Variants in CHRM2 observed in about 807,000 individuals in gnomAD.
The protein encoded by CHRM2 is cholinergic receptor muscarinic 2, also known as muscarinic acetylcholine receptor M2.
In CHRM2, 8 loss-of-function variants were observed where a neutral mutation model predicts 25.0. That is an observed-to-expected ratio of 0.32 (90% CI 0.19 to 0.58). CHRM2 has a LOEUF of 0.58. Among genes scored for constraint, CHRM2 ranks in the 20% least tolerant of loss-of-function variants. The pLI is 0.88. For synonymous variants in CHRM2, 202 were observed against 205.7 expected (o/e 0.98, Z 0.15); for missense variants, 440 against 567.1 (o/e 0.78, Z 2.28).
At chr7:136,928,991 AT>A (rs1798901397) in intron 2 of CHRM2, among the ~76,000 whole-genome samples, 1 of 152,124 alleles carries the variant, frequency 6.6e-6, no homozygotes, top group East Asian at 1.9e-4. Context: ...GATGTTGGTT[AT>A]TGCTGTTGAT....
At chr7:136,889,762 C>CCAACTCTAT (rs1296645186) in intron 2 of CHRM2, among the ~76,000 whole-genome samples, 1 of 152,206 alleles carries the variant, frequency 6.6e-6, no homozygotes, top group African/African-American at 2.4e-5. Context: ...GATAGAACCT[C>CCAACTCTAT]CAACTCTATT....
chr7:136,944,207 G>C (rs927926044), intron 2 of CHRM2, among the ~76,000 whole-genome samples: 7 of 152,056 alleles, frequency 4.6e-5, no homozygotes, highest in Non-Finnish European at 8.8e-5. Context: ...AGTGTACACT[G>C]TACCCAATGT....
At position 136,869,322 on chromosome 7, in the gene CHRM2, C is replaced by G. The variant is rs1233858079; in HGVS notation, c.-221C>G. The G allele has an allele frequency of 1.3e-5, 2 of 152,320 alleles. No homozygotes were observed. The highest frequency in any genetic ancestry group is 2.1e-4 in the South Asian group (1 of 4,834). The allele number at this position is 152,320 out of a possible 1,614,324, so 9.4% of individuals were successfully genotyped here. On this transcript the variant is annotated 5_prime_UTR_variant, in exon 2 of 4. Transcript: ENST00000680005. This position sits in a 1 kb window ranked among gnomAD's most constrained non-coding sequence, Gnocchi z 4.9. The stretch of plus-strand genomic sequence containing the variant: ...CTCTAAGCGGTGCGCAGCTCCAGCC[C>G]GAGCGGATCGGCCCTGAACCCACAA...
intron 2 of CHRM2, among the ~76,000 whole-genome samples, chr7:136,966,325 T>C (rs1008045676): frequency 5.9e-5 from 9 of 151,976 alleles, no homozygotes; most frequent in African/African-American, 1.7e-4. Flanking sequence ...TTTAATAAAA[T>C]TGTCGTGATG....
chr7:136,989,732 A>C (rs751397659), intron 2 of CHRM2, among the ~76,000 whole-genome samples: 2 of 152,108 alleles, frequency 1.3e-5, no homozygotes, highest in Non-Finnish European at 2.9e-5. Flanking sequence ...CTTAGGTACT[A>C]ATCTTTCTGC....
At chr7:136,903,096 T>C (rs10488598) in intron 2 of CHRM2, 128,569 of 528,114 alleles carry the variant, frequency 0.24, 18,758 homozygotes, top group Non-Finnish European at 0.32. Flanking sequence ...CAGAAACTCA[T>C]TTGGGCTAGT....
intron 3 of CHRM2, among the ~76,000 whole-genome samples, chr7:137,009,817 G>C (rs1246874435): frequency 1.3e-5 from 2 of 151,980 alleles, no homozygotes; most frequent in Admixed American, 6.6e-5. Context: ...ATCATTACCA[G>C]TAGTAGTATT....
chr7:136,875,925 A>G (rs964530867), intron 2 of CHRM2, among the ~76,000 whole-genome samples: 9 of 152,240 alleles, frequency 5.9e-5, no homozygotes, highest in African/African-American at 2.2e-4. Context: ...GGAATTTATT[A>G]TTATTATAAT....
chr7:137,013,342 A>AC (rs11394148), intron 3 of CHRM2, among the ~76,000 whole-genome samples: 22,592 of 151,894 alleles, frequency 0.15, 2,006 homozygotes, highest in African/African-American at 0.23. Flanking sequence ...AAAGCAGAAA[A>AC]AATTATTTTT....
intron 2 of CHRM2, among the ~76,000 whole-genome samples, chr7:136,919,931 T>A (rs1798335173): frequency 2.0e-5 from 3 of 152,182 alleles, no homozygotes; most frequent in Admixed American, 2.0e-4. Flanking sequence ...TATCTCATGG[T>A]GACGTGGTCT....
chr7:136,967,525 A>G (rs1259323432), intron 2 of CHRM2, among the ~76,000 whole-genome samples: 2 of 152,104 alleles, frequency 1.3e-5, no homozygotes, highest in Admixed American at 1.3e-4. Flanking sequence ...AGTAGATCTG[A>G]CTTAATAATT....
intron 2 of CHRM2, among the ~76,000 whole-genome samples, chr7:136,975,953 A>G (rs1342531164): frequency 6.6e-6 from 1 of 152,244 alleles, no homozygotes; most frequent in African/African-American, 2.4e-5. Flanking sequence ...TGTGAAATAT[A>G]CATCCATGTC....
intron 2 of CHRM2, among the ~76,000 whole-genome samples, chr7:136,928,074 A>C (rs971592355): frequency 8.5e-5 from 13 of 152,160 alleles, no homozygotes; most frequent in African/African-American, 2.9e-4. Flanking sequence ...TTTTGCGCAG[A>C]GTGGATTGGG....
At chr7:136,999,498 T>C (rs1803840107) in intron 3 of CHRM2, among the ~76,000 whole-genome samples, 1 of 152,038 alleles carries the variant, frequency 6.6e-6, no homozygotes, top group African/African-American at 2.4e-5. Flanking sequence ...CTGCACCCAT[T>C]AACTCGTCAT....
At position 136,930,898 on chromosome 7, in the gene CHRM2, C is replaced by CAAAAAAAAAAA. The variant is rs57705639; in HGVS notation, c.-124-61270_-124-61260dup. The stretch of plus-strand genomic sequence containing the variant: ...GGCTACAGAGCCAGACTCATTCTCT[C>CAAAAAAAAAAA]AAAAAAAAAAAAAAAAAAAAAAAAA... On this transcript the variant is annotated intron_variant, in intron 2 of 3. Transcript: ENST00000680005. 1.5e-3 allele frequency among the ~76,000 whole-genome samples: 91 copies of CAAAAAAAAAAA among 61,140 alleles called. 7 individuals are homozygous for CAAAAAAAAAAA. The highest frequency in any genetic ancestry group is 2.6e-3 in the Non-Finnish European group (69 of 26,682). The allele number at this position is 61,140 out of a possible 152,430, so 40.1% of individuals were successfully genotyped here.
intron 2 of CHRM2, among the ~76,000 whole-genome samples, chr7:136,985,504 C>CAA (rs974105875): frequency 0.029 from 1,745 of 59,592 alleles, 16 homozygotes; most frequent in Middle Eastern, 0.043. Context: ...AGTTAGACTC[C>CAA]AAAAAAAAAA....
rs143809756 is a variant in CHRM2 at position 136,988,867 on chromosome 7, A to C, written c.-124-3320A>C. 3.8e-3 allele frequency among the ~76,000 whole-genome samples: 575 copies of C among 152,222 alleles called. 2 individuals are homozygous for C. Among genetic ancestry groups the C allele is most frequent in the Non-Finnish European group, 5.5e-3 (375 of 67,984 alleles). On this transcript the variant is annotated intron_variant, in intron 2 of 3. Transcript: ENST00000680005. ...AAAATTGAGTCTAATAAATATGCCT[A>C]TACATATACATATATTTTATATATT...
chr7:136,871,065 C>A (rs1490224261), intron 2 of CHRM2: 2 of 153,516 alleles, frequency 1.3e-5, no homozygotes, highest in African/African-American at 2.4e-5. Flanking sequence ...CACCCTCCAG[C>A]GGTCCGGCGC....
chr7:136,919,257 A>G (rs1257018694), intron 2 of CHRM2, among the ~76,000 whole-genome samples: 1 of 152,112 alleles, frequency 6.6e-6, no homozygotes, highest in Non-Finnish European at 1.5e-5. Context: ...TTAAATTTAA[A>G]ATTTCTTAAA....
Sources: allele counts gnomAD v4.1 joint callset (sites outside exome capture counted in the v4.1 genomes callset), GRCh38; gene constraint gnomAD v4.1.1; non-coding constraint Gnocchi (gnomAD v3.1); transcripts MANE v1.5; gene names NCBI Gene and HGNC (gene_info 2026-07-23, HGNC 2026-07-21).